Variants in RAB9A observed in about 807,000 individuals in gnomAD.
RAB9A encodes the protein RAB9A, member RAS oncogene family, also known as ras-related protein Rab-9A.
In RAB9A, 1 loss-of-function variant was observed where a neutral mutation model predicts 10.3. The observed-to-expected ratio is 0.10, with a 90% CI of 0.03 to 0.46. The LOEUF is 0.46. Among genes scored for constraint, RAB9A ranks in the 20% least tolerant of loss-of-function variants. RAB9A has a pLI of 0.96. For synonymous variants in RAB9A, 39 were observed against 55.2 expected (o/e 0.71, Z 1.30); for missense variants, 92 against 150.3 (o/e 0.61, Z 2.03).
chrX:13,697,189 C>T (rs1268305333), intron 1 of RAB9A, among the ~76,000 whole-genome samples: 1 of 111,942 alleles, frequency 8.9e-6, no homozygotes, highest in Non-Finnish European at 1.9e-5. Context: ...AAATTAAAGA[C>T]ATTTGGTTTC....
At chrX:13,703,221 A>G (rs1382575757) in intron 1 of RAB9A, among the ~76,000 whole-genome samples, 1 of 112,560 alleles carries the variant, frequency 8.9e-6, no homozygotes, top group African/African-American at 3.2e-5. Context: ...GACGTAGCCT[A>G]GTGGGTTAAG....
chrX:13,695,768 A>C (rs1463273783), intron 1 of RAB9A, among the ~76,000 whole-genome samples: 1 of 111,651 alleles, frequency 9.0e-6, no homozygotes, highest in Non-Finnish European at 1.9e-5. Context: ...AGACTTTAGG[A>C]ATCACTGGTT....
intron 1 of RAB9A, among the ~76,000 whole-genome samples, chrX:13,693,353 AGAGGAGTGAGGGT>A (rs1403412914): frequency 3.6e-5 from 4 of 112,230 alleles, no homozygotes; most frequent in Non-Finnish European, 5.6e-5. Flanking sequence ...ACTTTTTTGT[AGAGGAGTGAGGGT>A]GAACTCAAAA....
chrX:13,703,380 T>TTGTA (rs1274360260), intron 1 of RAB9A, among the ~76,000 whole-genome samples: 1 of 112,570 alleles, frequency 8.9e-6, no homozygotes, highest in Non-Finnish European at 1.9e-5. Flanking sequence ...AAACACAGTG[T>TTGTA]TGTAGCTTGC....
At chrX:13,694,096 T>G (rs1016253263) in intron 1 of RAB9A, among the ~76,000 whole-genome samples, 7 of 111,918 alleles carry the variant, frequency 6.3e-5, no homozygotes, top group Admixed American at 9.5e-5. Flanking sequence ...GATTAGATTT[T>G]TGGGTACAGA....
intron 2 of RAB9A, 135 bp downstream of exon 2, chrX:13,704,037 CAA>C (rs2046186548): frequency 8.9e-6 from 1 of 111,922 alleles, no homozygotes; most frequent in African/African-American, 3.3e-5. Context: ...TGCACAGAAA[CAA>C]GAGCGTTTTC....
intron 1 of RAB9A, among the ~76,000 whole-genome samples, chrX:13,691,574 C>A (rs1815809990): frequency 1.0e-5 from 1 of 99,165 alleles, no homozygotes; most frequent in Admixed American, 1.2e-4. Flanking sequence ...GCAGGAGAAT[C>A]GCTTGAACCT....
Position 13,709,295 on chromosome X carries a change from T to C in RAB9A, c.549T>C (p.Ile183=). 1 of 1,210,627 alleles carries C rather than the reference T, an allele frequency of 8.3e-7. No homozygotes were observed. The highest frequency in any genetic ancestry group is 1.1e-6 in the Non-Finnish European group (1 of 894,921). The change falls in exon 3 of 3, where the codon ATT becomes ATC. Residue 183 remains isoleucine, a synonymous_variant. Transcript: ENST00000464506. ...LATEDRSDHL[I]QTDTVNLHRK... is the part of the protein sequence containing the mutation. ...CCGAGGATAGGTCAGATCATTTGATTCAGACAGACACAGTCAATCTTCACC... is the reference window on the plus strand; with the variant it reads ...CCGAGGATAGGTCAGATCATTTGATCCAGACAGACACAGTCAATCTTCACC...
At chrX:13,694,981 C>G (rs780152465) in intron 1 of RAB9A, among the ~76,000 whole-genome samples, 14 of 111,777 alleles carry the variant, frequency 1.3e-4, no homozygotes, top group African/African-American at 3.3e-5. Flanking sequence ...TGTGCTTTCT[C>G]TCCATTTTCT....
chrX:13,697,616 AT>A (rs1276903992), intron 1 of RAB9A, among the ~76,000 whole-genome samples: 1 of 112,200 alleles, frequency 8.9e-6, no homozygotes, highest in Non-Finnish European at 1.9e-5. Context: ...TCAAAGTGTG[AT>A]ATTCATAAAA....
intron 1 of RAB9A, among the ~76,000 whole-genome samples, chrX:13,702,463 T>C (rs571195848): frequency 1.8e-5 from 2 of 112,315 alleles, no homozygotes; most frequent in South Asian, 7.4e-4. Context: ...TAACACAGTG[T>C]AACACAGCCT....
At chrX:13,699,826 A>G (rs775278764) in intron 1 of RAB9A, among the ~76,000 whole-genome samples, 15 of 112,581 alleles carry the variant, frequency 1.3e-4, no homozygotes, top group Non-Finnish European at 2.6e-4. Flanking sequence ...TTTGAATGCC[A>G]TGCTCAAAAT....
intron 1 of RAB9A, among the ~76,000 whole-genome samples, chrX:13,692,803 G>A (rs1395056201): frequency 2.7e-5 from 3 of 111,472 alleles, no homozygotes; most frequent in African/African-American, 6.5e-5. Context: ...TCTTTTTGTC[G>A]GTAGCTTTGG....
rs777333630 is a variant in RAB9A at position 13,709,378 on chromosome X, C to T, written c.*26C>T. The T allele has an allele frequency of 5.1e-6, 6 of 1,176,084 alleles. No homozygotes were observed. The African/African-American group carries it at 1.1e-4, about 21-fold the overall frequency. On this transcript the variant is annotated 3_prime_UTR_variant, in exon 3 of 3. Transcript: ENST00000464506. ...TTGTTAGATTGTTGATGCATTCTAACCAACTCACACATATACACAAAATCA... is the reference window on the plus strand; with the variant it reads ...TTGTTAGATTGTTGATGCATTCTAATCAACTCACACATATACACAAAATCA...
intron 1 of RAB9A, among the ~76,000 whole-genome samples, chrX:13,698,881 C>A (rs766247939): frequency 9.2e-6 from 1 of 109,151 alleles, no homozygotes; most frequent in Non-Finnish European, 1.9e-5. Flanking sequence ...CTCATTTCCT[C>A]AAGCTATGAA....
chrX:13,689,233 T>C lies in RAB9A; in HGVS notation c.-171T>C, dbSNP rs1398445455. 8.8e-6 allele frequency: 1 copy of C among 113,249 alleles called. No individual in the cohort carries two copies. Among genetic ancestry groups the C allele is most frequent in the African/African-American group, 3.2e-5 (1 of 31,265 alleles). 9.3% of individuals were successfully genotyped at this position (113,249 alleles called of 1,213,427 possible). A position where few individuals can be genotyped will look rare whatever the true frequency, so the allele number is the denominator to read the frequency against. ...GTCCCCGACCCTCTCTCTGTCCTCATTGCGCCCAGACGGGCCGGCCCAGAG... is the reference window on the plus strand; with the variant it reads ...GTCCCCGACCCTCTCTCTGTCCTCACTGCGCCCAGACGGGCCGGCCCAGAG... On this transcript the variant is annotated 5_prime_UTR_variant, in exon 1 of 3. Coordinates refer to ENST00000464506, the MANE Select transcript of RAB9A (RefSeq NM_004251.5).
chrX:13,706,021 A>G (rs902691033), intron 2 of RAB9A, among the ~76,000 whole-genome samples: 2 of 111,997 alleles, frequency 1.8e-5, no homozygotes, highest in African/African-American at 6.5e-5. Flanking sequence ...GTCTTGCCTT[A>G]GAAGTTGGAC....
rs2046211449 is a variant in RAB9A at position 13,709,306 on chromosome X, C to A, written c.560C>A (p.Thr187Lys). Reference protein sequence around the residue: ...DRSDHLIQTDTVNLHRKPKPS... With the variant: ...DRSDHLIQTDKVNLHRKPKPS... ...TCAGATCATTTGATTCAGACAGACA[C>A]AGTCAATCTTCACCGAAAGCCCAAG... Residue 187 changes from threonine to lysine, a missense_variant, in exon 3 of 3, where the codon ACA becomes AAA. By Grantham distance (78) the Thr-to-Lys change is moderately conservative. Coordinates refer to ENST00000464506, the MANE Select transcript of RAB9A (RefSeq NM_004251.5). The A allele has an allele frequency of 8.3e-7, 1 of 1,207,764 alleles. No individual in the cohort carries two copies. Among genetic ancestry groups the A allele is most frequent in the Non-Finnish European group, 1.1e-6 (1 of 893,188 alleles).
At chrX:13,700,011 A>G (rs764730715) in intron 1 of RAB9A, among the ~76,000 whole-genome samples, 2 of 110,689 alleles carry the variant, frequency 1.8e-5, no homozygotes, top group Non-Finnish European at 3.8e-5. Context: ...CTGGAGTGCA[A>G]TGGCACAATC....
Sources: gnomAD v4.1 joint callset for allele counts (sites outside exome capture counted in the v4.1 genomes callset) on GRCh38, gnomAD v4.1.1 for gene constraint, MANE v1.5 for transcripts, NCBI Gene and HGNC (gene_info 2026-07-23, HGNC 2026-07-21) for gene names.